Variants in SNX29 observed in about 807,000 individuals in gnomAD.
SNX29 encodes the protein sorting nexin-29.
SNX29 carries 78 observed loss-of-function variants against 102.1 expected under a neutral mutation model. The observed-to-expected ratio is 0.76, with a 90% CI of 0.64 to 0.92. SNX29 has a LOEUF of 0.92. SNX29 is among the 40% of genes least tolerant of loss of function. The probability of loss-of-function intolerance (pLI) is 0.00; values close to 1 mark genes in which losing one functional copy is unlikely to be tolerated. For synonymous variants in SNX29, 580 were observed against 414.5 expected, an observed-to-expected ratio of 1.40 and a Z score of -4.85; for missense variants, 1,280 against 1,061.7, an observed-to-expected ratio of 1.21 and a Z score of -2.86.
chr16:12,008,767 AGCCTTGCTCTGTC>A (rs2056544671), intron 3 of SNX29, among the ~76,000 whole-genome samples: 1 of 143,030 alleles, frequency 7.0e-6, no homozygotes, highest in African/African-American at 2.7e-5. Flanking sequence ...CTTGAGATGG[AGCCTTGCTCTGTC>A]GCACAGGCTG....
chr16:12,290,310 G>A (rs1165449659), intron 15 of SNX29, among the ~76,000 whole-genome samples: 1 of 152,186 alleles, frequency 6.6e-6, no homozygotes, highest in Non-Finnish European at 1.5e-5. Context: ...ACAGGCAGGT[G>A]TAAGGTCCCA....
intron 18 of SNX29, among the ~76,000 whole-genome samples, chr16:12,423,012 C>A (rs1394005844): frequency 6.6e-6 from 1 of 152,182 alleles, no homozygotes; most frequent in Non-Finnish European, 1.5e-5. Flanking sequence ...TCAGGCTTCT[C>A]AAAGCCCAGC....
intron 20 of SNX29, among the ~76,000 whole-genome samples, chr16:12,534,125 G>C (rs889635294): frequency 9.2e-5 from 14 of 152,206 alleles, no homozygotes; most frequent in Non-Finnish European, 1.8e-4. Context: ...TGCTAACCAG[G>C]ACAGCTCCAA....
intron 11 of SNX29, among the ~76,000 whole-genome samples, chr16:12,093,055 A>C (rs1180991617): frequency 1.3e-5 from 2 of 152,322 alleles, no homozygotes; most frequent in Non-Finnish European, 2.9e-5. Flanking sequence ...ATGCTGTCTT[A>C]TGGAGTTTGT....
At position 12,571,878 on chromosome 16, in the gene SNX29, G is replaced by T. The variant is rs946820792; in HGVS notation, c.*3249G>T. 8 of 1,061,568 alleles carry T rather than the reference G, an allele frequency of 7.5e-6. No individual in the cohort carries two copies. The Admixed American group carries it at 4.3e-4, about 57-fold the overall frequency. 65.8% of individuals were successfully genotyped at this position (1,061,568 alleles called of 1,614,324 possible). ...TGCTGGCAAGGCATTTTAGAGTTTGGAGCTGAGGTTCAAAGCCCCCTGCAT... is the reference window on the plus strand; with the variant it reads ...TGCTGGCAAGGCATTTTAGAGTTTGTAGCTGAGGTTCAAAGCCCCCTGCAT... On this transcript the variant is annotated 3_prime_UTR_variant, in exon 21 of 21. Transcript: ENST00000566228.
At chr16:12,555,663 C>T (rs1490484581) in intron 20 of SNX29, among the ~76,000 whole-genome samples, 1 of 152,068 alleles carries the variant, frequency 6.6e-6, no homozygotes, top group East Asian at 2.0e-4. Flanking sequence ...CCTGTCACTC[C>T]TGCACGAAGT....
intron 13 of SNX29, among the ~76,000 whole-genome samples, chr16:12,159,758 G>T (rs2055703370): frequency 6.6e-6 from 1 of 152,180 alleles, no homozygotes; most frequent in Admixed American, 6.5e-5. Context: ...AGTAGGACTG[G>T]GAGAACTCAT....
At chr16:11,977,148 C>G (rs1330184069) in intron 1 of SNX29, 2 of 311,006 alleles carry the variant, frequency 6.4e-6, no homozygotes, top group African/African-American at 4.3e-5. Flanking sequence ...AGGTCTCAGT[C>G]TCTCCTAACT....
intron 20 of SNX29, among the ~76,000 whole-genome samples, chr16:12,537,462 G>C (rs572452347): frequency 5.3e-5 from 8 of 150,402 alleles, no homozygotes; most frequent in African/African-American, 1.9e-4. Flanking sequence ...CTCTGCCTCA[G>C]CATCCTCATC....
intron 18 of SNX29, among the ~76,000 whole-genome samples, chr16:12,414,315 A>G (rs992724383): frequency 2.0e-5 from 3 of 152,226 alleles, no homozygotes; most frequent in Non-Finnish European, 4.4e-5. Context: ...TCGAGGCTGC[A>G]GTGAGCTATG....
intron 15 of SNX29, among the ~76,000 whole-genome samples, chr16:12,333,391 C>G (rs957293289): frequency 2.6e-5 from 4 of 152,070 alleles, no homozygotes; most frequent in Admixed American, 1.3e-4. Context: ...AGACGTGAGC[C>G]ACCGCACCTG....
At position 12,306,521 on chromosome 16, in the gene SNX29, C is replaced by A. The variant is rs138032636; in HGVS notation, c.1782+28485C>A. On this transcript the variant is annotated intron_variant, in intron 15 of 20. Transcript: ENST00000566228. ...GCTGGAGAATTAGCGTATTACAGAG[C>A]CTTTGAAATCTTTGTCCTTTCCTGG... Among the ~76,000 whole-genome samples the A allele has an allele frequency of 2.4e-3, 371 of 152,224 alleles. 1 individual carries two copies. The highest frequency in any genetic ancestry group is 4.0e-3 in the Non-Finnish European group (271 of 67,998).
intron 16 of SNX29, among the ~76,000 whole-genome samples, chr16:12,362,483 A>T (rs886076258): frequency 6.0e-5 from 9 of 149,470 alleles, no homozygotes; most frequent in Non-Finnish European, 1.3e-4. Flanking sequence ...CGCGTTGGGC[A>T]TCCAAATTAA....
chr16:12,100,549 C>G (rs763948507), intron 11 of SNX29, among the ~76,000 whole-genome samples: 4 of 152,138 alleles, frequency 2.6e-5, no homozygotes, highest in Middle Eastern at 3.4e-3. Context: ...GTGTCCAGAT[C>G]GGGCTGTCTG....
Position 12,421,058 on chromosome 16 carries a change from C to G in SNX29, c.2037+17529C>G, listed in dbSNP as rs1050643602. ...GCCCGAGACATGAGGTGGTCAGTAG[C>G]TGCATTTTACAGATAAGGAAACTAC... On this transcript the variant is annotated intron_variant, in intron 18 of 20. Transcript: ENST00000566228. Among the ~76,000 whole-genome samples the G allele has an allele frequency of 1.3e-5, 2 of 152,178 alleles. 1 individual carries two copies. Among genetic ancestry groups the G allele is most frequent in the Non-Finnish European group, 2.9e-5 (2 of 68,044 alleles).
chr16:11,979,640 G>A (rs143887584), intron 1 of SNX29, among the ~76,000 whole-genome samples: 2 of 152,276 alleles, frequency 1.3e-5, no homozygotes, highest in East Asian at 3.9e-4. Flanking sequence ...CTGGAGTGCA[G>A]TGGCAGGATC....
chr16:11,979,357 G>A lies in SNX29; in HGVS notation c.7+2544G>A, dbSNP rs543170867. ...CCAACAAATGACTTTTTAGGAAAAA[G>A]CATTAAGGATGAAAACCTTCTTTTG... On this transcript the variant is annotated intron_variant, in intron 1 of 20. Coordinates refer to ENST00000566228, the MANE Select transcript of SNX29 (RefSeq NM_032167.5). Among the ~76,000 whole-genome samples the A allele has an allele frequency of 4.7e-5, 7 of 147,624 alleles. No homozygotes were observed. In the East Asian group the frequency reaches 1.4e-3, roughly 29 times the overall value.
At position 12,349,293 on chromosome 16, in the gene SNX29, C is replaced by T. The variant is rs545886233; in HGVS notation, c.1783-6870C>T. Reference sequence around the variant, plus strand: ...ATTTCACTGTCACTCCCTGGACCCACCGTGCCAAGGTCAAAGAGAGCTATG... The same window carrying T: ...ATTTCACTGTCACTCCCTGGACCCATCGTGCCAAGGTCAAAGAGAGCTATG... On this transcript the variant is annotated intron_variant, in intron 15 of 20. Transcript: ENST00000566228. Among the ~76,000 whole-genome samples the T allele has an allele frequency of 2.6e-5, 4 of 152,246 alleles. No individual in the cohort carries two copies. The East Asian group carries it at 7.7e-4, about 29-fold the overall frequency.
intron 16 of SNX29, among the ~76,000 whole-genome samples, chr16:12,385,172 A>G (rs1263694996): frequency 6.6e-6 from 1 of 152,336 alleles, no homozygotes; most frequent in Non-Finnish European, 1.5e-5. Context: ...CTCCATCTCA[A>G]AAAAGAAAAA....
Sources: allele counts gnomAD v4.1 joint callset (sites outside exome capture counted in the v4.1 genomes callset), GRCh38; gene constraint gnomAD v4.1.1; transcripts MANE v1.5; gene names NCBI Gene and HGNC (gene_info 2026-07-23, HGNC 2026-07-21).